MAF: variants seen among roughly 807,000 people sequenced by gnomAD.
MAF encodes the protein MAF bZIP transcription factor, also known as transcription factor Maf.
Under a neutral mutation model 22.0 loss-of-function variants are expected in MAF, and 10 were observed. The ratio of observed to expected loss-of-function variants is 0.45; its 90% CI spans 0.28 to 0.77. The LOEUF is 0.77. Among genes scored for constraint, MAF ranks in the 30% least tolerant of loss-of-function variants. The pLI, the probability that MAF is intolerant of heterozygous loss-of-function variation, is 0.12. For synonymous variants in MAF, 337 were observed against 255.8 expected (o/e 1.32, Z -3.03); for missense variants, 544 against 548.4 (o/e 0.99, Z 0.08).
the MAF span, among the ~76,000 whole-genome samples, chr16:79,447,720 G>T: frequency 2.0e-5 from 3 of 151,730 alleles, no homozygotes; most frequent in African/African-American, 7.3e-5. Flanking sequence ...ACGACTAAAG[G>T]GTTCCAGACT....
the MAF span, among the ~76,000 whole-genome samples, chr16:79,419,929 T>A: frequency 2.0e-5 from 3 of 152,082 alleles, no homozygotes; most frequent in Non-Finnish European, 4.4e-5. Context: ...AAAAATGTTT[T>A]CCACTCACAC....
At chr16:79,580,670 C>A in the MAF span, among the ~76,000 whole-genome samples, 2 of 152,002 alleles carry the variant, frequency 1.3e-5, no homozygotes, top group Non-Finnish European at 2.9e-5. Context: ...AAATCCTGGC[C>A]CCATCACAAA....
At chr16:79,469,742 G>C in the MAF span, among the ~76,000 whole-genome samples, 1 of 151,992 alleles carries the variant, frequency 6.6e-6, no homozygotes, top group Non-Finnish European at 1.5e-5. Context: ...GATTACAGGT[G>C]CCCGCCACCT....
chr16:79,229,972 C>CT, the MAF span, among the ~76,000 whole-genome samples: 3 of 151,630 alleles, frequency 2.0e-5, no homozygotes, highest in Non-Finnish European at 4.4e-5. Flanking sequence ...AAAAGGGACT[C>CT]TTATCAATTT....
chr16:79,367,839 T>C, the MAF span, among the ~76,000 whole-genome samples: 1 of 152,246 alleles, frequency 6.6e-6, no homozygotes, highest in Non-Finnish European at 1.5e-5. Flanking sequence ...CATATTTCTT[T>C]TATTCTGCTT....
the MAF span, among the ~76,000 whole-genome samples, chr16:79,434,279 C>T: frequency 1.3e-5 from 2 of 152,212 alleles, no homozygotes; most frequent in African/African-American, 4.8e-5. Context: ...CTCAGTGAAG[C>T]TCACACATAC....
At chr16:79,561,811 G>A in the MAF span, among the ~76,000 whole-genome samples, 1 of 152,226 alleles carries the variant, frequency 6.6e-6, no homozygotes, top group Admixed American at 6.5e-5. Context: ...CGGTGTGTTT[G>A]GATGTTTGAC....
the MAF span, among the ~76,000 whole-genome samples, chr16:79,223,386 A>G: frequency 6.6e-6 from 1 of 152,228 alleles, no homozygotes; most frequent in Non-Finnish European, 1.5e-5. Context: ...AATTTATAGC[A>G]CTAAATGCCC....
chr16:79,525,442 A>G, the MAF span, among the ~76,000 whole-genome samples: 1 of 152,168 alleles, frequency 6.6e-6, no homozygotes, highest in African/African-American at 2.4e-5. Context: ...AGTATGTTGA[A>G]CTTTTTTTCT....
At chr16:79,287,931 G>C in the MAF span, among the ~76,000 whole-genome samples, 1 of 152,106 alleles carries the variant, frequency 6.6e-6, no homozygotes. Flanking sequence ...CCTCATCGTA[G>C]CTCCGATTTA....
chr16:79,349,589 C>T, the MAF span, among the ~76,000 whole-genome samples: 5 of 152,316 alleles, frequency 3.3e-5, no homozygotes, highest in African/African-American at 1.2e-4. Flanking sequence ...TACGGCCTGC[C>T]TCTCCATAGG....
rs1370950750 is a variant in MAF, at chr16:79,594,531, C to G, written c.1141G>C (p.Glu381Gln). ...AATGTGGCGTATCCCACTGATGGCT[C>G]CAACTTGCGAGTGGGCTCAGTTCTG... ...FFITEPTRKL[E>Q]PSVGYATFWK... Residue 381 changes from glutamate to glutamine, a missense_variant, in exon 2 of 2, where the codon GAG becomes CAG. Transcript: ENST00000326043. The G allele has an allele frequency of 6.4e-7, 1 of 1,564,338 alleles. No homozygotes were observed. Among genetic ancestry groups the G allele is most frequent in the East Asian group, 2.3e-5 (1 of 42,664 alleles).
At chr16:79,518,184 T>C in the MAF span, among the ~76,000 whole-genome samples, 1 of 152,206 alleles carries the variant, frequency 6.6e-6, no homozygotes. Context: ...GGATAAATCA[T>C]TTGCCCAATG....
chr16:79,273,283 G>C, the MAF span, among the ~76,000 whole-genome samples: 5 of 152,068 alleles, frequency 3.3e-5, no homozygotes, highest in Non-Finnish European at 7.3e-5. Flanking sequence ...CTAATCTCTG[G>C]GCTCAGACAG....
chr16:79,282,857 TGG>T, the MAF span, among the ~76,000 whole-genome samples: 1 of 152,298 alleles, frequency 6.6e-6, no homozygotes, highest in Middle Eastern at 3.4e-3. Context: ...GGGTGGACTG[TGG>T]GCTGTCAGCT....
chr16:79,469,203 T>C, the MAF span, among the ~76,000 whole-genome samples: 1 of 152,218 alleles, frequency 6.6e-6, no homozygotes, highest in African/African-American at 2.4e-5. Flanking sequence ...TGACCGTTCA[T>C]TTACATTGTA....
At chr16:79,446,950 GAAGAAA>G in the MAF span, among the ~76,000 whole-genome samples, 2 of 151,956 alleles carry the variant, frequency 1.3e-5, no homozygotes, top group Admixed American at 6.6e-5. Flanking sequence ...GAAAAAAACA[GAAGAAA>G]AAGTAAAAGA....
the MAF span, among the ~76,000 whole-genome samples, chr16:79,268,732 A>T: frequency 6.6e-6 from 1 of 152,196 alleles, no homozygotes; most frequent in African/African-American, 2.4e-5. Flanking sequence ...CCAACTCCAT[A>T]TATCAGTTTC....
chr16:79,560,944 T>C, the MAF span, among the ~76,000 whole-genome samples: 4 of 152,228 alleles, frequency 2.6e-5, no homozygotes, highest in South Asian at 4.1e-4. Flanking sequence ...GGTTCTCAAC[T>C]GCATTCAAGG....
Sources: allele counts gnomAD v4.1 joint callset (sites outside exome capture counted in the v4.1 genomes callset), GRCh38; gene constraint gnomAD v4.1.1; transcripts MANE v1.5; gene names NCBI Gene and HGNC (gene_info 2026-07-23, HGNC 2026-07-21).